Variants in ZBBX observed in about 807,000 individuals in gnomAD.
The protein encoded by ZBBX is zinc finger B-box domain-containing protein 1.
ZBBX carries 101 observed loss-of-function variants against 108.5 expected under a neutral mutation model. The ratio of observed to expected loss-of-function variants is 0.93; its 90% CI spans 0.79 to 1.10. ZBBX has a LOEUF of 1.10. Ranked by LOEUF, ZBBX falls within the 50% of genes least tolerant of loss-of-function variation. ZBBX has a pLI of 0.00. For missense variants in ZBBX, 1,009 were observed against 941.4 expected (o/e 1.07, Z -0.94); for synonymous variants, 356 against 323.4 (o/e 1.10, Z -1.08).
In ZBBX at chr3:167,288,868, C is replaced by A; in HGVS notation, c.1995G>T (p.Met665Ile). Reference protein sequence around the residue: ...SPSSSRKQQKMGQKSQRPSTA... With the variant: ...SPSSSRKQQKIGQKSQRPSTA... ...CTGCTGCCTTTGAGTCAATGTTACCCATCTTTTGCTGTTTTCTACTTGATG... is the reference window on the plus strand; with the variant it reads ...CTGCTGCCTTTGAGTCAATGTTACCAATCTTTTGCTGTTTTCTACTTGATG... Residue 665 changes from methionine to isoleucine, a missense_variant and splice_region_variant, in exon 19 of 22, where the codon ATG becomes ATT. Met to Ile is a conservative substitution (Grantham distance 10). Coordinates refer to ENST00000675490, the MANE Select transcript of ZBBX (RefSeq NM_001199201.2). The A allele has an allele frequency of 6.5e-7, 1 of 1,528,988 alleles. No homozygotes were observed. Among genetic ancestry groups the A allele is most frequent in the South Asian group, 1.2e-5 (1 of 80,328 alleles). 94.7% of individuals were successfully genotyped at this position (1,528,988 alleles called of 1,614,324 possible). A position where few individuals can be genotyped will look rare whatever the true frequency, so the allele number is the denominator to read the frequency against.
At chr3:167,248,463 C>CTTT in intron 20 of ZBBX, 1 of 215,682 alleles carries the variant, frequency 4.6e-6, no homozygotes, top group Non-Finnish European at 9.7e-6. Flanking sequence ...TTTTTTTCCT[C>CTTT]TTCTAAGTGA....
chr3:167,192,916 A>G, the ZBBX span, among the ~76,000 whole-genome samples: 18 of 152,274 alleles, frequency 1.2e-4, no homozygotes, highest in South Asian at 3.3e-3. Flanking sequence ...TTAAACTGCT[A>G]TTTTAGATTC....
the ZBBX span, among the ~76,000 whole-genome samples, chr3:167,212,534 A>G: frequency 5.3e-5 from 8 of 152,306 alleles, no homozygotes; most frequent in African/African-American, 1.9e-4. Flanking sequence ...TCCATCTCCC[A>G]TGGGACCCAC....
chr3:167,306,933 G>A (rs1035265828), intron 16 of ZBBX, among the ~76,000 whole-genome samples: 1 of 152,070 alleles, frequency 6.6e-6, no homozygotes, highest in African/African-American at 2.4e-5. Context: ...GCTTTACAAA[G>A]GACTTGCTTG....
At chr3:167,219,284 T>C in the ZBBX span, among the ~76,000 whole-genome samples, 1 of 152,012 alleles carries the variant, frequency 6.6e-6, no homozygotes, top group South Asian at 2.1e-4. Context: ...ATGGATCTAA[T>C]AGATATTTAC....
intron 18 of ZBBX, among the ~76,000 whole-genome samples, chr3:167,292,220 A>C (rs1730818304): frequency 6.6e-6 from 1 of 152,228 alleles, no homozygotes; most frequent in Non-Finnish European, 1.5e-5. Context: ...AGACATCTAC[A>C]GAACTCTCCA....
chr3:167,355,591 T>C (rs910721889), intron 8 of ZBBX, among the ~76,000 whole-genome samples: 3 of 151,694 alleles, frequency 2.0e-5, no homozygotes, highest in Admixed American at 1.3e-4. Context: ...TATTCATATA[T>C]ACACATATGT....
At chr3:167,220,910 T>C in the ZBBX span, among the ~76,000 whole-genome samples, 2 of 151,978 alleles carry the variant, frequency 1.3e-5, no homozygotes. Flanking sequence ...ATAGCATTTC[T>C]GTATGCCAAC....
chr3:167,295,948 C>T (rs1429639144), intron 18 of ZBBX, among the ~76,000 whole-genome samples: 1 of 150,894 alleles, frequency 6.6e-6, no homozygotes, highest in African/African-American at 2.4e-5. Context: ...AAAGACACTA[C>T]AAGTAAAGAA....
chr3:167,305,333 T>C (rs913079051), intron 17 of ZBBX, among the ~76,000 whole-genome samples: 9 of 152,138 alleles, frequency 5.9e-5, no homozygotes, highest in Non-Finnish European at 8.8e-5. Flanking sequence ...TACTGTATTA[T>C]TCATAATGAA....
chr3:167,185,500 C>T, the ZBBX span, among the ~76,000 whole-genome samples: 1 of 151,772 alleles, frequency 6.6e-6, no homozygotes, highest in African/African-American at 2.4e-5. Flanking sequence ...AAATAAAAAT[C>T]GTGGATTTTT....
At chr3:167,374,069 A>G (rs1419175676) in intron 2 of ZBBX, among the ~76,000 whole-genome samples, 2 of 152,160 alleles carry the variant, frequency 1.3e-5, no homozygotes, top group Non-Finnish European at 2.9e-5. Flanking sequence ...CTATCTAAAA[A>G]TAATATCCAA....
intron 1 of ZBBX, among the ~76,000 whole-genome samples, chr3:167,405,142 CT>C (rs1748545207): frequency 6.6e-6 from 1 of 152,130 alleles, no homozygotes; most frequent in South Asian, 2.1e-4. Context: ...CTTTTGGACA[CT>C]TTTGAAATGT....
intron 20 of ZBBX, among the ~76,000 whole-genome samples, chr3:167,274,847 A>G (rs1226642166): frequency 1.3e-5 from 2 of 152,170 alleles, no homozygotes; most frequent in African/African-American, 4.8e-5. Flanking sequence ...AAGGACACAG[A>G]GATAGGGATC....
chr3:167,402,647 G>A (rs898805897), intron 1 of ZBBX, among the ~76,000 whole-genome samples: 10 of 152,044 alleles, frequency 6.6e-5, no homozygotes, highest in Non-Finnish European at 1.0e-4. Flanking sequence ...ACTGGAATTA[G>A]CAGAAAATAA....
the ZBBX span, among the ~76,000 whole-genome samples, chr3:167,198,179 T>C: frequency 6.6e-6 from 1 of 152,096 alleles, no homozygotes. Flanking sequence ...TCTCGGTTAC[T>C]TGAAGAGGTA....
At chr3:167,229,273 A>G in the ZBBX span, among the ~76,000 whole-genome samples, 19 of 151,818 alleles carry the variant, frequency 1.3e-4, no homozygotes, top group Non-Finnish European at 8.8e-5. Flanking sequence ...GACAAAATTT[A>G]ACTCATTCTT....
chr3:167,322,194 C>G lies in ZBBX; in HGVS notation c.906G>C (p.Trp302Cys), dbSNP rs949487811. ...TAAGTTCAATATTAAGTGGTTCTCT[C>G]CAAATTTTCAGATTAGTCTGTACTT... is the stretch of plus-strand genomic sequence containing the variant. Reference protein sequence around the residue: ...ECEVQTNLKIWREPLNIELKE... With the variant: ...ECEVQTNLKICREPLNIELKE... The change falls in exon 12 of 22, where the codon TGG (tryptophan) becomes TGC (cysteine). Residue 302 changes from tryptophan (W) to cysteine (C), a missense_variant. Coordinates refer to ENST00000675490, the MANE Select transcript of ZBBX (RefSeq NM_001199201.2). 18 of 1,477,460 alleles carry G rather than the reference C, an allele frequency of 1.2e-5. No homozygotes were observed. In the African/African-American group the frequency reaches 2.1e-4, roughly 18 times the overall value. 91.5% of individuals were successfully genotyped at this position (1,477,460 alleles called of 1,614,324 possible). A position where few individuals can be genotyped will look rare whatever the true frequency, so the allele number is the denominator to read the frequency against.
At chr3:167,199,561 G>A in the ZBBX span, among the ~76,000 whole-genome samples, 1 of 152,110 alleles carries the variant, frequency 6.6e-6, no homozygotes, top group Non-Finnish European at 1.5e-5. Flanking sequence ...AATACTACCA[G>A]GGAAATTTCT....
Sources: gnomAD v4.1 joint callset for allele counts (sites outside exome capture counted in the v4.1 genomes callset) on GRCh38, gnomAD v4.1.1 for gene constraint, MANE v1.5 for transcripts, NCBI Gene and HGNC (gene_info 2026-07-23, HGNC 2026-07-21) for gene names.